ITGA3: variants seen among roughly 807,000 people sequenced by gnomAD.
The protein encoded by ITGA3 is integrin subunit alpha 3, also known as integrin alpha-3.
Under a neutral mutation model 131.1 loss-of-function variants are expected in ITGA3, and 70 were observed. The ratio of observed to expected loss-of-function variants is 0.53; its 90% CI spans 0.44 to 0.65. The LOEUF (loss-of-function observed/expected upper bound fraction) is 0.65, where lower values mean the gene tolerates loss of function less well. ITGA3 is among the 30% of genes least tolerant of loss of function. The pLI is 0.00. For synonymous variants in ITGA3, 537 were observed against 571.6 expected (o/e 0.94, Z 0.86); for missense variants, 1,098 against 1,388.6 (o/e 0.79, Z 3.33).
At chr17:50,085,812 GATTTATAATGTATATTAGATTAT>G in intron 23 of ITGA3, among the ~76,000 whole-genome samples, 1 of 45,650 alleles carries the variant, frequency 2.2e-5, no homozygotes, top group Admixed American at 1.5e-4. Flanking sequence ...ATACATTATA[GATTTATAATGTATATTAGATTAT>G]ACATTATAGA....
chr17:50,063,843 C>A lies in ITGA3; in HGVS notation c.207-234C>A. The A allele has an allele frequency of 9.1e-6, 5 of 549,950 alleles. No individual in the cohort carries two copies. In the South Asian group the frequency reaches 1.1e-4, roughly 12 times the overall value. 34.1% of individuals were successfully genotyped at this position (549,950 alleles called of 1,614,324 possible). A position where few individuals can be genotyped will look rare whatever the true frequency, so the allele number is the denominator to read the frequency against. Reference sequence around the variant, plus strand: ...CCTCTTCTGCTGGCCTCCATCACTGCCCCCTCAGCCCTGAGCCTGGGCTAC... The same window carrying A: ...CCTCTTCTGCTGGCCTCCATCACTGACCCCTCAGCCCTGAGCCTGGGCTAC... On this transcript the variant is annotated intron_variant, in intron 1 of 25. Coordinates refer to ENST00000320031, the MANE Select transcript of ITGA3 (RefSeq NM_002204.4).
intron 23 of ITGA3, among the ~76,000 whole-genome samples, chr17:50,085,338 G>A (rs1229557160): frequency 6.6e-6 from 1 of 151,838 alleles, no homozygotes; most frequent in Non-Finnish European, 1.5e-5. Context: ...ATTCACCAGA[G>A]ATTACAGAGA....
rs758804602 is a variant in ITGA3, at chr17:50,070,920, C to T, written c.741C>T (p.Asn247=). The change falls in exon 5 of 26, where the codon AAC becomes AAT. Residue 247 remains asparagine, a synonymous_variant. Transcript: ENST00000320031. Reference sequence around the variant, plus strand: ...ACAAGGACCCAGAGGACCAAGGAAACCTCTATATTGGTGAGTACAGTAGTG... The same window carrying T: ...ACAAGGACCCAGAGGACCAAGGAAATCTCTATATTGGTGAGTACAGTAGTG... ...YSYKDPEDQG[N]LYIGYTMQVG... 6 of 1,596,972 alleles carry T rather than the reference C, an allele frequency of 3.8e-6. No individual in the cohort carries two copies. In the South Asian group the frequency reaches 4.4e-5, roughly 12 times the overall value.
chr17:50,066,611 C>T (rs1467858473), intron 3 of ITGA3, among the ~76,000 whole-genome samples: 1 of 151,936 alleles, frequency 6.6e-6, no homozygotes, highest in African/African-American at 2.4e-5. Context: ...TCCATCTCTA[C>T]CAAAAATATA....
rs199534510 is a variant in ITGA3 at position 50,068,280 on chromosome 17, C to A, written c.639C>A (p.Gly213=). 1 of 1,613,470 alleles carries A rather than the reference C, an allele frequency of 6.2e-7. No homozygotes were observed. Among genetic ancestry groups the A allele is most frequent in the East Asian group, 2.2e-5 (1 of 44,886 alleles). The change falls in exon 4 of 26, where the codon GGC becomes GGA. Residue 213 remains glycine, a synonymous_variant. Transcript: ENST00000320031. ...GGFTQNTVYF[G]APGAYNWKGN... is the part of the protein sequence containing the mutation. Reference sequence around the variant, plus strand: ...TCACCCAGAACACTGTGTACTTCGGCGCCCCCGGTGCCTACAACTGGAAAG... The same window carrying A: ...TCACCCAGAACACTGTGTACTTCGGAGCCCCCGGTGCCTACAACTGGAAAG...
intron 3 of ITGA3, chr17:50,066,032 C>CAAAAAA (rs1183511362): frequency 1.3e-4 from 5 of 38,688 alleles, no homozygotes; most frequent in Non-Finnish European, 1.5e-4. Context: ...GACTCCATCT[C>CAAAAAA]AAAAAAAAAA....
Position 50,062,843 on chromosome 17 carries a change from G to A in ITGA3, c.207-1234G>A, listed in dbSNP as rs115616380. ...AGTGATAGAGTTGCTGGGGCCAAAT[G>A]GTGGGGCACCTGGGAGGTGCCTGCC... On this transcript the variant is annotated intron_variant, in intron 1 of 25. Coordinates refer to ENST00000320031, the MANE Select transcript of ITGA3 (RefSeq NM_002204.4). Among the ~76,000 whole-genome samples, 10 of 152,356 alleles carry A rather than the reference G, an allele frequency of 6.6e-5. No individual in the cohort carries two copies. The South Asian group carries it at 2.1e-3, about 32-fold the overall frequency.
chr17:50,082,662 A>C lies in ITGA3; in HGVS notation c.2919+1254A>C, dbSNP rs148651302. On this transcript the variant is annotated intron_variant, in intron 23 of 25. Coordinates refer to ENST00000320031, the MANE Select transcript of ITGA3 (RefSeq NM_002204.4). Reference sequence around the variant, plus strand: ...TAATTCAGGAAGTCCAAGAGGTCAAAACAAGATCAAAATACCCAAACCCCC... The same window carrying C: ...TAATTCAGGAAGTCCAAGAGGTCAACACAAGATCAAAATACCCAAACCCCC... Among the ~76,000 whole-genome samples, 76 of 152,304 alleles carry C rather than the reference A, an allele frequency of 5.0e-4. 1 individual carries two copies. The highest frequency in any genetic ancestry group is 4.7e-4 in the Non-Finnish European group (32 of 68,024).
chr17:50,085,578 T>C (rs1909350709), intron 23 of ITGA3, among the ~76,000 whole-genome samples: 1 of 151,582 alleles, frequency 6.6e-6, no homozygotes, highest in Non-Finnish European at 1.5e-5. Flanking sequence ...GCAGGAGAAT[T>C]GCTTGAGCCC....
rs1908949205 is a variant in ITGA3 at position 50,077,092 on chromosome 17, C to G, written c.2041C>G (p.Pro681Ala). Residue 681 changes from proline to alanine, a missense_variant, in exon 15 of 26, where the codon CCC becomes GCC. Physicochemically the swap from Pro to Ala is conservative, Grantham distance 27. Transcript: ENST00000320031. ...GGCGCTGCTCACCCTGGTGGTGCCT[C>G]CCGCCCTGCTGCTGTCCTCAGTGCG... ...HEALLTLVVP[P>A]ALLLSSVRPP... 6.3e-7 allele frequency: 1 copy of G among 1,577,442 alleles called. No individual in the cohort carries two copies. Among genetic ancestry groups the G allele is most frequent in the Non-Finnish European group, 8.6e-7 (1 of 1,158,982 alleles).
intron 1 of ITGA3, among the ~76,000 whole-genome samples, chr17:50,059,646 G>A (rs532276035): frequency 1.3e-5 from 2 of 152,310 alleles, no homozygotes; most frequent in East Asian, 3.9e-4. Context: ...TAGGCCAAGA[G>A]GCTTTCAACT....
chr17:50,056,858 T>A lies in ITGA3; in HGVS notation c.206+213T>A, dbSNP rs140470466. On this transcript the variant is annotated intron_variant, in intron 1 of 25. Transcript: ENST00000320031. This position sits in a 1 kb window ranked among gnomAD's most constrained non-coding sequence, Gnocchi z 5.6. ...AGTGCTGACGGGGCCAGAACCTGTC[T>A]GGACGCCACCCCTCCGCCCTTTAGA... is the stretch of plus-strand genomic sequence containing the variant. 8.6e-3 allele frequency among the ~76,000 whole-genome samples: 1,314 copies of A among 152,216 alleles called. 11 individuals carry two copies. The highest frequency in any genetic ancestry group is 0.017 in the Middle Eastern group (5 of 294).
At chr17:50,077,154 C>T (rs1908954201) in intron 15 of ITGA3, 33 bp downstream of exon 15, 1 of 1,511,328 alleles carries the variant, frequency 6.6e-7, no homozygotes, top group Non-Finnish European at 8.9e-7. Context: ...AGAGCCCAAG[C>T]AGGGCTCCCC....
intron 18 of ITGA3, among the ~76,000 whole-genome samples, chr17:50,078,526 A>C (rs1233343718): frequency 6.6e-6 from 1 of 151,650 alleles, no homozygotes; most frequent in African/African-American, 2.4e-5. Context: ...TGTTGTCCCT[A>C]CCATTTTATA....
chr17:50,078,893 G>A lies in ITGA3; in HGVS notation c.2367G>A (p.Glu789=). 1 of 1,612,842 alleles carries A rather than the reference G, an allele frequency of 6.2e-7. No homozygotes were observed. The highest frequency in any genetic ancestry group is 8.5e-7 in the Non-Finnish European group (1 of 1,178,842). The stretch of plus-strand genomic sequence containing the variant: ...GTGAGTCTGGCATGAAAACTGTGGA[G>A]GATGTAGGAAGCCCCCTCAAGTATG... ...VMGESGMKTV[E]DVGSPLKYEF... is the part of the protein sequence containing the mutation. The change falls in exon 19 of 26, where the codon GAG becomes GAA. Residue 789 remains glutamate, a synonymous_variant. Transcript: ENST00000320031.
At position 50,077,139 on chromosome 17, in the gene ITGA3, G is replaced by A. The variant is rs777972983; in HGVS notation, c.2070+18G>A. 16 of 1,525,384 alleles carry A rather than the reference G, an allele frequency of 1.0e-5. No homozygotes were observed. The highest frequency in any genetic ancestry group is 2.0e-5 in the Admixed American group (1 of 49,074). 94.5% of individuals were successfully genotyped at this position (1,525,384 alleles called of 1,614,324 possible). On this transcript the variant is annotated intron_variant, in intron 15 of 25. Transcript: ENST00000320031. ...TGCGCCCCGTGAGTGCCCGCCGGCCGGCTCAGAGCCCAAGCAGGGCTCCCC... is the reference window on the plus strand; with the variant it reads ...TGCGCCCCGTGAGTGCCCGCCGGCCAGCTCAGAGCCCAAGCAGGGCTCCCC...
rs1342630096 is a variant in ITGA3 at position 50,090,244 on chromosome 17, C to T, written c.*1166C>T. On this transcript the variant is annotated 3_prime_UTR_variant, in exon 26 of 26. Coordinates refer to ENST00000320031, the MANE Select transcript of ITGA3 (RefSeq NM_002204.4). ...GCCTAGAGGTGGAGTTCTTAGCTAT[C>T]CTTGGCTTTCAGAGCCAGCCTGGCT... 2.2e-6 allele frequency: 1 copy of T among 456,570 alleles called. No individual in the cohort carries two copies. The highest frequency in any genetic ancestry group is 1.5e-5 in the South Asian group (1 of 64,560). 28.3% of individuals were successfully genotyped at this position (456,570 alleles called of 1,614,324 possible).
Position 50,089,363 on chromosome 17 carries a change from G to A in ITGA3, c.*285G>A, listed in dbSNP as rs768273689. On this transcript the variant is annotated 3_prime_UTR_variant, in exon 26 of 26. Coordinates refer to ENST00000320031, the MANE Select transcript of ITGA3 (RefSeq NM_002204.4). ...ACAGTCCACAGGGGCCACCACCTTT[G>A]GCTGGTAGCAGCAGGCTCAGGCACA... The A allele has an allele frequency of 6.0e-5, 63 of 1,048,998 alleles. No individual in the cohort carries two copies. The highest frequency in any genetic ancestry group is 7.2e-5 in the Non-Finnish European group (52 of 718,752). The allele number at this position is 1,048,998 out of a possible 1,614,324, so 65.0% of individuals were successfully genotyped here.
At position 50,078,229 on chromosome 17, in the gene ITGA3, T is replaced by A; in HGVS notation, c.2242T>A (p.Trp748Arg). Residue 748 changes from tryptophan (W) to arginine (R), a missense_variant, in exon 18 of 26, where the codon TGG (tryptophan) becomes AGG (arginine). Trp to Arg is a moderately radical substitution (Grantham distance 101, BLOSUM62 -3). Coordinates refer to ENST00000320031, the MANE Select transcript of ITGA3 (RefSeq NM_002204.4). ...AAGGTCGAGTCACCAGGACAACCTGTGGCCCATGATCCTCACTCTGCTGGT... is the reference window on the plus strand; with the variant it reads ...AAGGTCGAGTCACCAGGACAACCTGAGGCCCATGATCCTCACTCTGCTGGT... ...LSTSSHQDNLWPMILTLLVDY... is the reference protein window; with the variant it reads ...LSTSSHQDNLRPMILTLLVDY... 6.2e-7 allele frequency: 1 copy of A among 1,614,078 alleles called. No individual in the cohort carries two copies. The highest frequency in any genetic ancestry group is 8.5e-7 in the Non-Finnish European group (1 of 1,179,966).
Sources: gnomAD v4.1 joint callset for allele counts (sites outside exome capture counted in the v4.1 genomes callset) on GRCh38, gnomAD v4.1.1 for gene constraint, Gnocchi (gnomAD v3.1) non-coding constraint, MANE v1.5 for transcripts, NCBI Gene and HGNC (gene_info 2026-07-23, HGNC 2026-07-21) for gene names.